Variants in METTL6 observed in about 807,000 individuals in gnomAD.
METTL6 encodes tRNA N(3)-cytidine methyltransferase METTL6.
Under a neutral mutation model 26.4 loss-of-function variants are expected in METTL6, and 22 were observed. That is an observed-to-expected ratio of 0.83 (90% CI 0.59 to 1.19). The LOEUF (loss-of-function observed/expected upper bound fraction) is 1.19, where lower values mean the gene tolerates loss of function less well. METTL6 is among the 50% of genes most tolerant of loss of function. METTL6 has a pLI of 0.00. For missense variants in METTL6, 304 were observed against 324.8 expected, an observed-to-expected ratio of 0.94 and a Z score of 0.49; for synonymous variants, 109 against 116.2, an observed-to-expected ratio of 0.94 and a Z score of 0.40.
intron 6 of METTL6, among the ~76,000 whole-genome samples, chr3:15,395,436 G>A (rs1225684355): frequency 6.6e-6 from 1 of 152,138 alleles, no homozygotes; most frequent in Non-Finnish European, 1.5e-5. Context: ...AGACTGATGG[G>A]TCTTGACTCT....
intron 6 of METTL6, among the ~76,000 whole-genome samples, chr3:15,402,996 A>G (rs1699689797): frequency 6.6e-6 from 1 of 152,210 alleles, no homozygotes; most frequent in South Asian, 2.1e-4. Flanking sequence ...TTCAGCCTAA[A>G]GTTAGTTCAG....
chr3:15,394,869 T>G (rs1250070244), intron 6 of METTL6, among the ~76,000 whole-genome samples: 1 of 152,240 alleles, frequency 6.6e-6, no homozygotes, highest in African/African-American at 2.4e-5. Flanking sequence ...GAGAGACAGT[T>G]TGTTATAATT....
chr3:15,425,556 T>C (rs2061698735), intron 2 of METTL6, among the ~76,000 whole-genome samples: 1 of 152,252 alleles, frequency 6.6e-6, no homozygotes, highest in Non-Finnish European at 1.5e-5. Flanking sequence ...AGCATGAATT[T>C]ATATTTTTGT....
At chr3:15,400,411 T>C (rs189983562) in intron 6 of METTL6, among the ~76,000 whole-genome samples, 212 of 152,326 alleles carry the variant, frequency 1.4e-3, no homozygotes, top group Non-Finnish European at 7.2e-4. Flanking sequence ...GTGTCTTTCC[T>C]CTTGTTAATC....
At chr3:15,401,537 AAAAAAAAAAAAAAAAAAAAAGAAAG>A (rs1485802595) in intron 6 of METTL6, among the ~76,000 whole-genome samples, 1 of 52,024 alleles carries the variant, frequency 1.9e-5, no homozygotes, top group Non-Finnish European at 4.0e-5. Context: ...TGTTCACGCC[AAAAAAAAAAAAAAAAAAAAAGAAAG>A]AAAGAAAAAA....
intron 6 of METTL6, among the ~76,000 whole-genome samples, chr3:15,392,133 T>C (rs973965256): frequency 2.4e-4 from 36 of 152,236 alleles, no homozygotes; most frequent in African/African-American, 5.8e-4. Flanking sequence ...AAAGTGATCC[T>C]ATTTCTCCAC....
chr3:15,411,842 A>C (rs1699981698), intron 5 of METTL6, among the ~76,000 whole-genome samples: 1 of 151,980 alleles, frequency 6.6e-6, no homozygotes, highest in Non-Finnish European at 1.5e-5. Context: ...GGCTCACTGC[A>C]ACCTCCGATT....
chr3:15,424,540 T>C (rs1420253609), intron 3 of METTL6, among the ~76,000 whole-genome samples: 1 of 152,228 alleles, frequency 6.6e-6, no homozygotes, highest in East Asian at 1.9e-4. Context: ...CTGATGGGAT[T>C]ACAAGTGCGA....
chr3:15,388,769 T>C (rs997001167), intron 6 of METTL6, among the ~76,000 whole-genome samples: 3 of 152,234 alleles, frequency 2.0e-5, no homozygotes, highest in Non-Finnish European at 4.4e-5. Context: ...GAAGGGCGTT[T>C]GTTTTGGGAA....
At chr3:15,420,524 C>T (rs1256348371) in intron 3 of METTL6, among the ~76,000 whole-genome samples, 1 of 152,168 alleles carries the variant, frequency 6.6e-6, no homozygotes, top group Admixed American at 6.5e-5. Flanking sequence ...TACATTTGTA[C>T]TGCGTCAGGA....
chr3:15,385,785 C>T (rs185759598), intron 6 of METTL6, among the ~76,000 whole-genome samples: 32 of 152,314 alleles, frequency 2.1e-4, no homozygotes, highest in Admixed American at 9.2e-4. Context: ...ATCTGTGTCT[C>T]CTGGGCTGTA....
intron 6 of METTL6, among the ~76,000 whole-genome samples, chr3:15,389,840 G>C (rs961209111): frequency 6.9e-6 from 1 of 145,388 alleles, no homozygotes; most frequent in East Asian, 2.0e-4. Flanking sequence ...ACGCCACCGC[G>C]CCCGGCCAAT....
At chr3:15,423,735 T>G (rs1169555657) in intron 3 of METTL6, among the ~76,000 whole-genome samples, 3 of 151,374 alleles carry the variant, frequency 2.0e-5, no homozygotes, top group Admixed American at 1.3e-4. Context: ...AAATAAACAC[T>G]AGCTGGGCAC....
intron 4 of METTL6, 102 bp from the exon 5 acceptor site, chr3:15,414,264 G>A (rs193182055): frequency 1.3e-6 from 2 of 1,499,436 alleles, no homozygotes; most frequent in East Asian, 4.6e-5. Flanking sequence ...TTACTAAGGG[G>A]ACAGACTGAA....
intron 6 of METTL6, among the ~76,000 whole-genome samples, chr3:15,393,567 C>T (rs917156214): frequency 3.9e-5 from 6 of 152,152 alleles, no homozygotes; most frequent in African/African-American, 1.4e-4. Flanking sequence ...GCATCCCTGT[C>T]TTGTGCCACT....
chr3:15,420,612 T>G (rs2061589554), intron 3 of METTL6, among the ~76,000 whole-genome samples: 1 of 152,244 alleles, frequency 6.6e-6, no homozygotes, highest in Non-Finnish European at 1.5e-5. Context: ...CTGTACCTTA[T>G]GTCCATGCAT....
chr3:15,394,918 A>C (rs1451793750), intron 6 of METTL6, among the ~76,000 whole-genome samples: 39 of 152,332 alleles, frequency 2.6e-4, no homozygotes, highest in Non-Finnish European at 4.6e-4. Flanking sequence ...CTTTACTTCC[A>C]ACTATGTGGT....
chr3:15,425,030 G>A lies in METTL6; in HGVS notation c.285C>T (p.Phe95=), dbSNP rs1412675368. ...TATTCGGATCTTCTTCTAAAAGTGG[G>A]AATAAACAGTTTCCAACCCCACAGC... is the stretch of plus-strand genomic sequence containing the variant. ...EAGCGVGNCL[F]PLLEEDPNIF... Residue 95 remains phenylalanine (F), a synonymous_variant, in exon 3 of 6, where the codon TTC becomes TTT. Transcript: ENST00000383790. 1 of 1,614,152 alleles carries A rather than the reference G, an allele frequency of 6.2e-7. No individual in the cohort carries two copies. The highest frequency in any genetic ancestry group is 1.1e-5 in the South Asian group (1 of 91,072).
At chr3:15,385,571 C>A (rs1312164486) in intron 6 of METTL6, among the ~76,000 whole-genome samples, 1 of 152,108 alleles carries the variant, frequency 6.6e-6, no homozygotes, top group African/African-American at 2.4e-5. Context: ...GCACTCCAGC[C>A]TGGGTGACAG....
Sources: gnomAD v4.1 joint callset for allele counts (sites outside exome capture counted in the v4.1 genomes callset) on GRCh38, gnomAD v4.1.1 for gene constraint, MANE v1.5 for transcripts, NCBI Gene and HGNC (gene_info 2026-07-23, HGNC 2026-07-21) for gene names.